Variants in NBEAL1 observed in about 807,000 individuals in gnomAD.
NBEAL1 encodes neurobeachin like 1, also known as neurobeachin-like protein 1.
NBEAL1 carries 273 observed loss-of-function variants against 351.3 expected under a neutral mutation model. That is an observed-to-expected ratio of 0.78 (90% confidence interval 0.70 to 0.86). The LOEUF (loss-of-function observed/expected upper bound fraction) is 0.86, where lower values mean the gene tolerates loss of function less well. Among genes scored for constraint, NBEAL1 ranks in the 40% least tolerant of loss-of-function variants. The probability of loss-of-function intolerance (pLI) is 0.00; values close to 1 mark genes in which losing one functional copy is unlikely to be tolerated. For synonymous variants in NBEAL1, 1,050 were observed against 1,086.4 expected, an observed-to-expected ratio of 0.97 and a Z score of 0.66; for missense variants, 2,961 against 3,201.3, an observed-to-expected ratio of 0.92 and a Z score of 1.81.
At chr2:203,174,722 C>A (rs1224147946) in intron 41 of NBEAL1, among the ~76,000 whole-genome samples, 3 of 151,780 alleles carry the variant, frequency 2.0e-5, no homozygotes, top group African/African-American at 7.3e-5. Context: ...GAAACCCTGT[C>A]TCTACTAAAA....
intron 35 of NBEAL1, 130 bp from the exon 36 acceptor site, chr2:203,157,569 C>T: frequency 1.8e-6 from 1 of 547,954 alleles, no homozygotes; most frequent in African/African-American, 2.0e-5. Context: ...AATCAAAGTA[C>T]CGTCTTTACT....
chr2:203,180,282 T>C, intron 42 of NBEAL1, 100 bp from the exon 43 acceptor site: 3 of 1,019,566 alleles, frequency 2.9e-6, no homozygotes, highest in Non-Finnish European at 4.3e-6. Context: ...AAACAGTACC[T>C]CTAATCATTA....
At position 203,112,094 on chromosome 2, in the gene NBEAL1, A is replaced by G. The variant is rs1254944586; in HGVS notation, c.2198A>G (p.Asn733Ser). Reference sequence around the variant, plus strand: ...GCCCCTCTCAGATTTCCTGCCATGAATGAAGTAAGTATATCCAACCTACTC... The same window carrying G: ...GCCCCTCTCAGATTTCCTGCCATGAGTGAAGTAAGTATATCCAACCTACTC... ...VSAPLRFPAMNEPFTSCCIGS... is the reference protein window; with the variant it reads ...VSAPLRFPAMSEPFTSCCIGS... Residue 733 changes from asparagine to serine, a missense_variant, in exon 16 of 56, where the codon AAT becomes AGT. By Grantham distance (46) the Asn-to-Ser change is conservative (BLOSUM62 1). Coordinates refer to ENST00000683969, the MANE Select transcript of NBEAL1 (RefSeq NM_001378026.1). The G allele has an allele frequency of 1.9e-6, 3 of 1,551,710 alleles. No homozygotes were observed. The highest frequency in any genetic ancestry group is 2.6e-6 in the Non-Finnish European group (3 of 1,147,006).
chr2:203,114,487 ATTTTGTTTTGGCT>A (rs1256100523), intron 17 of NBEAL1, among the ~76,000 whole-genome samples: 2 of 152,106 alleles, frequency 1.3e-5, no homozygotes, highest in African/African-American at 2.4e-5. Flanking sequence ...ACTGTTTTTC[ATTTTGTTTTGGCT>A]TTTTGTTTTT....
chr2:203,175,730 T>C (rs1030267426), intron 42 of NBEAL1, among the ~76,000 whole-genome samples: 1 of 152,202 alleles, frequency 6.6e-6, no homozygotes, highest in African/African-American at 2.4e-5. Flanking sequence ...GTGGGTATTA[T>C]AACTTACCTA....
chr2:203,057,317 T>C lies in NBEAL1; in HGVS notation c.388-9T>C. On this transcript the variant is annotated splice_polypyrimidine_tract_variant and intron_variant, in intron 5 of 55. Coordinates refer to ENST00000683969, the MANE Select transcript of NBEAL1 (RefSeq NM_001378026.1). ...CATGTCTTTAATTTATGTTTAACTT[T>C]GTTCTCAGTTAAAAAGCAAAAAAAA... 1.9e-6 allele frequency: 3 copies of C among 1,543,470 alleles called. No homozygotes were observed. Among genetic ancestry groups the C allele is most frequent in the Non-Finnish European group, 2.6e-6 (3 of 1,141,746 alleles).
At chr2:203,202,561 A>G (rs2065430072) in intron 50 of NBEAL1, 126 bp from the exon 51 acceptor site, 3 of 650,886 alleles carry the variant, frequency 4.6e-6, no homozygotes, top group Non-Finnish European at 5.6e-6. Flanking sequence ...TTCCAGTACC[A>G]TGTCTACATT....
At chr2:203,041,928 A>G in intron 3 of NBEAL1, 72 bp downstream of exon 3, 2 of 982,760 alleles carry the variant, frequency 2.0e-6, no homozygotes, top group South Asian at 2.8e-5. Context: ...CATTGATGAC[A>G]TATTACAAGG....
intron 30 of NBEAL1, 78 bp from the exon 31 acceptor site, chr2:203,138,542 T>C: frequency 3.6e-6 from 5 of 1,405,184 alleles, no homozygotes; most frequent in Non-Finnish European, 4.8e-6. Context: ...TGGTTTGTAT[T>C]AATGTTGGGG....
chr2:203,163,276 G>A (rs1302198878), intron 36 of NBEAL1, among the ~76,000 whole-genome samples: 1 of 152,138 alleles, frequency 6.6e-6, no homozygotes, highest in Non-Finnish European at 1.5e-5. Flanking sequence ...ATTTAGTCAA[G>A]CCTAGAATAC....
chr2:203,143,340 G>T (rs1222568796), intron 31 of NBEAL1, among the ~76,000 whole-genome samples: 1 of 145,532 alleles, frequency 6.9e-6, no homozygotes, highest in Non-Finnish European at 1.5e-5. Flanking sequence ...AATTTTAAGG[G>T]TAGTTCGGTT....
rs371316448 is a variant in NBEAL1 at position 203,116,010 on chromosome 2, G to T, written c.2532G>T (p.Lys844Asn). ...GTCCAAATTGTTTAAGCCCTTGGAA[G>T]TGTCAAGAGTCTGACATGGCCGACC... The part of the protein sequence containing the change: ...LAGPNCLSPW[K>N]CQESDMADLP... Residue 844 changes from lysine (K) to asparagine (N), a missense_variant, in exon 18 of 56, where the codon AAG (lysine) becomes AAT (asparagine). Lys to Asn is a moderately conservative substitution (Grantham distance 94). Transcript: ENST00000683969. The T allele has an allele frequency of 2.2e-5, 34 of 1,553,266 alleles. No homozygotes were observed. The African/African-American group carries it at 4.6e-4, about 21-fold the overall frequency.
At chr2:203,160,278 G>T (rs1459608893) in intron 36 of NBEAL1, among the ~76,000 whole-genome samples, 1 of 151,922 alleles carries the variant, frequency 6.6e-6, no homozygotes, top group African/African-American at 2.4e-5. Context: ...ACGGGATTTT[G>T]CCATGTCGGC....
intron 2 of NBEAL1, among the ~76,000 whole-genome samples, chr2:203,029,415 AT>A (rs1206595105): frequency 6.6e-6 from 1 of 152,172 alleles, no homozygotes; most frequent in African/African-American, 2.4e-5. Flanking sequence ...TTTAACTGTG[AT>A]TTTTCTACAG....
At chr2:203,096,374 G>C (rs1377448312) in intron 10 of NBEAL1, among the ~76,000 whole-genome samples, 1 of 152,088 alleles carries the variant, frequency 6.6e-6, no homozygotes, top group Non-Finnish European at 1.5e-5. Flanking sequence ...ATTTCAGCAT[G>C]TAACTCGACC....
At chr2:203,045,042 A>C (rs1194741480) in intron 3 of NBEAL1, among the ~76,000 whole-genome samples, 1 of 152,228 alleles carries the variant, frequency 6.6e-6, no homozygotes, top group Non-Finnish European at 1.5e-5. Context: ...AACGTTAGGA[A>C]CATGGCCAAA....
Position 203,084,435 on chromosome 2 carries a change from A to G in NBEAL1, c.992-28A>G, listed in dbSNP as rs1211659706. On this transcript the variant is annotated intron_variant, in intron 9 of 55. Coordinates refer to ENST00000683969, the MANE Select transcript of NBEAL1 (RefSeq NM_001378026.1). ...TATGATCCCAAATTTTCATTTTTACATGGATGATTTTCTTTTTATTTTCCT... is the reference window on the plus strand; with the variant it reads ...TATGATCCCAAATTTTCATTTTTACGTGGATGATTTTCTTTTTATTTTCCT... 1.6e-5 allele frequency: 20 copies of G among 1,235,520 alleles called. No homozygotes were observed. The Admixed American group carries it at 2.7e-4, about 16-fold the overall frequency. 76.5% of individuals were successfully genotyped at this position (1,235,520 alleles called of 1,614,324 possible).
At chr2:203,148,859 C>T (rs2063575854) in intron 33 of NBEAL1, 132 bp from the exon 34 acceptor site, 1 of 581,010 alleles carries the variant, frequency 1.7e-6, no homozygotes, top group Non-Finnish European at 2.7e-6. Context: ...ATAAGAAAAG[C>T]CTATTGGTTA....
rs1252189766 is a variant in NBEAL1 at position 203,196,115 on chromosome 2, T to A, written c.7039-1187T>A. Among the ~76,000 whole-genome samples the A allele has an allele frequency of 2.0e-5, 3 of 152,202 alleles. No individual in the cohort carries two copies. In the East Asian group the frequency reaches 5.8e-4, roughly 29 times the overall value. On this transcript the variant is annotated intron_variant, in intron 47 of 55. Coordinates refer to ENST00000683969, the MANE Select transcript of NBEAL1 (RefSeq NM_001378026.1). ...ACAACACAAGACCCTATTTGACCCA[T>A]AATCTGATGGACATGCAATACTATA...
Sources: allele counts gnomAD v4.1 joint callset (sites outside exome capture counted in the v4.1 genomes callset), GRCh38; gene constraint gnomAD v4.1.1; transcripts MANE v1.5; gene names NCBI Gene and HGNC (gene_info 2026-07-23, HGNC 2026-07-21).